The following LRBA variants were observed in gnomAD, a reference collection of about 807,000 sequenced individuals.
LRBA encodes the protein LPS responsive beige-like anchor protein, also known as lipopolysaccharide-responsive and beige-like anchor protein.
Under a neutral mutation model 330.0 loss-of-function variants are expected in LRBA, and 176 were observed. The observed-to-expected ratio is 0.53, with a 90% CI of 0.47 to 0.60. The LOEUF is 0.60. LRBA is among the 20% of genes least tolerant of loss of function. LRBA has a pLI of 0.00. For synonymous variants in LRBA, 1,230 were observed against 1,193.0 expected, an observed-to-expected ratio of 1.03 and a Z score of -0.64; for missense variants, 3,259 against 3,444.8, an observed-to-expected ratio of 0.95 and a Z score of 1.35.
At chr4:150,334,167 T>C (rs1318080202) in intron 48 of LRBA, among the ~76,000 whole-genome samples, 1 of 152,126 alleles carries the variant, frequency 6.6e-6, no homozygotes, top group Non-Finnish European at 1.5e-5. Flanking sequence ...AATGTAAATA[T>C]TTTAAATGCC....
chr4:150,955,130 C>G (rs1422003500), intron 2 of LRBA, among the ~76,000 whole-genome samples: 2 of 148,598 alleles, frequency 1.3e-5, no homozygotes, highest in African/African-American at 5.2e-5. Flanking sequence ...GAAAAATGAG[C>G]CAGGTGTGGT....
chr4:150,607,101 C>G (rs977251750), intron 37 of LRBA, among the ~76,000 whole-genome samples: 4 of 152,118 alleles, frequency 2.6e-5, no homozygotes, highest in Admixed American at 2.0e-4. Context: ...GAAATCACAG[C>G]TAGACAGCCT....
At chr4:150,333,518 A>C (rs1298105674) in intron 48 of LRBA, among the ~76,000 whole-genome samples, 1 of 152,192 alleles carries the variant, frequency 6.6e-6, no homozygotes, top group Non-Finnish European at 1.5e-5. Flanking sequence ...AGAAATGTTT[A>C]AGCATTCCAA....
chr4:150,938,693 GC>G (rs1347788741), intron 2 of LRBA, among the ~76,000 whole-genome samples: 1 of 152,180 alleles, frequency 6.6e-6, no homozygotes. Flanking sequence ...AGCTACAGTA[GC>G]CATCCTGGAA....
intron 20 of LRBA, among the ~76,000 whole-genome samples, chr4:150,868,994 T>G (rs1229457654): frequency 6.6e-6 from 1 of 152,146 alleles, no homozygotes; most frequent in Non-Finnish European, 1.5e-5. Flanking sequence ...CAGAAAAATA[T>G]AATAAATTCT....
At chr4:150,672,421 T>C (rs1195212576) in intron 37 of LRBA, among the ~76,000 whole-genome samples, 3 of 151,986 alleles carry the variant, frequency 2.0e-5, no homozygotes, top group Non-Finnish European at 4.4e-5. Flanking sequence ...ATATACTTAC[T>C]AAGGTACCAT....
At chr4:150,490,870 A>C (rs1216263481) in intron 41 of LRBA, 48 bp downstream of exon 41, 3 of 1,077,132 alleles carry the variant, frequency 2.8e-6, no homozygotes, top group Non-Finnish European at 4.1e-6. Flanking sequence ...TGAAATCTTA[A>C]AGAGATGGAA....
rs1287680247 is a variant in LRBA at position 150,436,789 on chromosome 4, G to C, written c.6856C>G (p.Pro2286Ala). 2 of 1,613,584 alleles carry C rather than the reference G, an allele frequency of 1.2e-6. No individual in the cohort carries two copies. Among genetic ancestry groups the C allele is most frequent in the South Asian group, 1.1e-5 (1 of 91,042 alleles). Residue 2286 changes from proline (P) to alanine (A), a missense_variant, in exon 45 of 57, where the codon CCA becomes GCA. Transcript: ENST00000651943. The part of the protein sequence containing the change: ...RYESWEDDQV[P>A]KFHYGTHYST... ...TAATGAGTACCATAGTGAAACTTTG[G>C]AACTTGATCATCTTCCCATGATTCA...
At chr4:150,765,420 A>G (rs1735638232) in intron 34 of LRBA, among the ~76,000 whole-genome samples, 2 of 152,106 alleles carry the variant, frequency 1.3e-5, no homozygotes, top group Non-Finnish European at 2.9e-5. Flanking sequence ...GGTGATAATG[A>G]TATGTCAAAG....
In LRBA at chr4:150,421,293, ATATAT is replaced by A. The variant is rs1311840384; in HGVS notation, c.7042-5708_7042-5704del. On this transcript the variant is annotated intron_variant, in intron 46 of 56. Coordinates refer to ENST00000651943, the MANE Select transcript of LRBA (RefSeq NM_001364905.1). The stretch of plus-strand genomic sequence containing the variant: ...ATATAATATAAATATATACTTATAC[ATATAT>A]TATATATATAAAGTATAACATATAA... 2.9e-4 allele frequency among the ~76,000 whole-genome samples: 42 copies of A among 143,662 alleles called. 1 individual carries two copies. The highest frequency in any genetic ancestry group is 4.2e-4 in the South Asian group (2 of 4,754). The allele number at this position is 143,662 out of a possible 152,430, so 94.2% of individuals were successfully genotyped here.
At chr4:150,457,588 T>C (rs1270063841) in intron 44 of LRBA, among the ~76,000 whole-genome samples, 1 of 151,920 alleles carries the variant, frequency 6.6e-6, no homozygotes, top group African/African-American at 2.4e-5. Flanking sequence ...AGTTGATACA[T>C]GCAAGTATAT....
In LRBA at chr4:150,310,586, T is replaced by C. The variant is rs1038144726; in HGVS notation, c.7694-202A>G. 2.5e-4 allele frequency: 118 copies of C among 475,546 alleles called. No homozygotes were observed. The highest frequency in any genetic ancestry group is 3.2e-4 in the Non-Finnish European group (87 of 268,894). The allele number at this position is 475,546 out of a possible 1,614,324, so 29.5% of individuals were successfully genotyped here. A position where few individuals can be genotyped will look rare whatever the true frequency, so the allele number is the denominator to read the frequency against. On this transcript the variant is annotated intron_variant, in intron 51 of 56. Coordinates refer to ENST00000651943, the MANE Select transcript of LRBA (RefSeq NM_001364905.1). ...AAATTCAATATCTCAGTTAAAAATT[T>C]TGCTTAGAGGAAAGAAAGAATAACA...
At chr4:150,510,151 G>A (rs1761666834) in intron 40 of LRBA, among the ~76,000 whole-genome samples, 1 of 151,878 alleles carries the variant, frequency 6.6e-6, no homozygotes, top group African/African-American at 2.4e-5. Context: ...AAAAAAAAGA[G>A]AAAGATACAA....
At chr4:150,700,644 A>T (rs532359244) in intron 36 of LRBA, among the ~76,000 whole-genome samples, 2 of 152,340 alleles carry the variant, frequency 1.3e-5, no homozygotes, top group Admixed American at 1.3e-4. Flanking sequence ...TTTACTTCAT[A>T]AACTTAAAAT....
At chr4:150,710,536 G>GA (rs550726231) in intron 36 of LRBA, among the ~76,000 whole-genome samples, 18 of 148,150 alleles carry the variant, frequency 1.2e-4, no homozygotes, top group Admixed American at 6.7e-4. Context: ...GGGTCAAAGT[G>GA]AAAAAAAAAT....
chr4:150,351,482 G>T (rs1248100864), intron 47 of LRBA, among the ~76,000 whole-genome samples: 2 of 152,180 alleles, frequency 1.3e-5, no homozygotes, highest in East Asian at 3.9e-4. Flanking sequence ...GAGGTCAGGA[G>T]ATCGAGACCA....
chr4:150,409,151 C>T (rs1041058942), intron 47 of LRBA, among the ~76,000 whole-genome samples: 8 of 152,070 alleles, frequency 5.3e-5, no homozygotes, highest in East Asian at 1.9e-4. Flanking sequence ...TTTGGACAGA[C>T]AGACATGCAT....
Position 150,273,153 on chromosome 4 carries a change from T to A in LRBA, c.8468+4700A>T, listed in dbSNP as rs944468756. Among the ~76,000 whole-genome samples the A allele has an allele frequency of 6.3e-4, 96 of 152,276 alleles. 2 individuals carry two copies. Among genetic ancestry groups the A allele is most frequent in the African/African-American group, 2.2e-3 (93 of 41,538 alleles). On this transcript the variant is annotated intron_variant, in intron 56 of 56. Transcript: ENST00000651943. ...CAAGCCAGAAGAGAGTGGGGGCCAA[T>A]ATTCAACATTCTCTAAGAAAATAAT...
In LRBA at chr4:150,398,530, G is replaced by C. The variant is rs1206053006; in HGVS notation, c.7194+16908C>G. ...TATTTTTTACTTCTGAATAATTAATGTATTTCTTAAGTAATAGAGGAAACT... is the reference window on the plus strand; with the variant it reads ...TATTTTTTACTTCTGAATAATTAATCTATTTCTTAAGTAATAGAGGAAACT... On this transcript the variant is annotated intron_variant, in intron 47 of 56. Transcript: ENST00000651943. Among the ~76,000 whole-genome samples the C allele has an allele frequency of 3.3e-5, 5 of 152,116 alleles. No individual in the cohort carries two copies. In the East Asian group the frequency reaches 9.6e-4, roughly 29 times the overall value.
Sources: gnomAD v4.1 joint callset for allele counts (sites outside exome capture counted in the v4.1 genomes callset) on GRCh38, gnomAD v4.1.1 for gene constraint, MANE v1.5 for transcripts, NCBI Gene and HGNC (gene_info 2026-07-23, HGNC 2026-07-21) for gene names.